Variants in MTUS1 observed in about 807,000 individuals in gnomAD.
The protein encoded by MTUS1 is microtubule associated scaffold protein 1, also known as microtubule-associated tumor suppressor 1.
MTUS1 carries 109 observed loss-of-function variants against 120.8 expected under a neutral mutation model. That is an observed-to-expected ratio of 0.90 (90% CI 0.77 to 1.06). The LOEUF (loss-of-function observed/expected upper bound fraction) is 1.06, where lower values mean the gene tolerates loss of function less well. Ranked by LOEUF, MTUS1 falls within the 50% of genes least tolerant of loss-of-function variation. The probability of loss-of-function intolerance (pLI) is 0.00; values close to 1 mark genes in which losing one functional copy is unlikely to be tolerated. For missense variants in MTUS1, 2,210 were observed against 1,486.3 expected (o/e 1.49, Z -8.01); for synonymous variants, 737 against 550.5 (o/e 1.34, Z -4.74).
chr8:17,652,938 T>C (rs917663730), intron 12 of MTUS1, among the ~76,000 whole-genome samples: 2 of 152,156 alleles, frequency 1.3e-5, no homozygotes, highest in African/African-American at 4.8e-5. Context: ...TCCTAATTGG[T>C]AGTTTCCTTC....
At chr8:17,701,331 C>T (rs1316302611) in intron 6 of MTUS1, among the ~76,000 whole-genome samples, 1 of 152,126 alleles carries the variant, frequency 6.6e-6, no homozygotes, top group African/African-American at 2.4e-5. Context: ...CTATCCTCTT[C>T]CTCAGTACGA....
chr8:17,781,956 T>A (rs1416367895), intron 1 of MTUS1, among the ~76,000 whole-genome samples: 1 of 152,190 alleles, frequency 6.6e-6, no homozygotes. Flanking sequence ...ACAGCAAGTC[T>A]CAGGTCCTAA....
intron 8 of MTUS1, among the ~76,000 whole-genome samples, chr8:17,674,125 A>C (rs1327428841): frequency 6.6e-6 from 1 of 152,162 alleles, no homozygotes; most frequent in Non-Finnish European, 1.5e-5. Context: ...GATCACTCCA[A>C]GATACGAGTT....
At chr8:17,668,973 C>G (rs934242909) in intron 8 of MTUS1, among the ~76,000 whole-genome samples, 1 of 152,176 alleles carries the variant, frequency 6.6e-6, no homozygotes, top group Non-Finnish European at 1.5e-5. Flanking sequence ...AAGAAAACTA[C>G]CTTTCCCTAG....
At chr8:17,742,523 G>C (rs2904738) in intron 3 of MTUS1, among the ~76,000 whole-genome samples, 5 of 151,732 alleles carry the variant, frequency 3.3e-5, no homozygotes, top group African/African-American at 7.3e-5. Context: ...TTTTCTCCCA[G>C]ATGATGAACA....
At chr8:17,686,516 T>TC (rs1467207775) in intron 6 of MTUS1, among the ~76,000 whole-genome samples, 1 of 152,226 alleles carries the variant, frequency 6.6e-6, no homozygotes, top group Non-Finnish European at 1.5e-5. Flanking sequence ...TTTGTATATG[T>TC]CCTACCGAAA....
At chr8:17,774,785 T>G (rs992343193) in intron 1 of MTUS1, among the ~76,000 whole-genome samples, 1 of 152,010 alleles carries the variant, frequency 6.6e-6, no homozygotes, top group Non-Finnish European at 1.5e-5. Flanking sequence ...TACATCCATG[T>G]TCACAGCAGC....
At chr8:17,801,251 T>A (rs115437317), upstream of MTUS1, 9,290 of 148,700 alleles carry the variant, frequency 0.062, 488 homozygotes, top group African/African-American at 0.15. Flanking sequence ...AGCCCCGGCC[T>A]CCCCGCCTCC....
intron 1 of MTUS1, among the ~76,000 whole-genome samples, chr8:17,799,812 C>A (rs2052535902): frequency 6.6e-6 from 1 of 152,102 alleles, no homozygotes; most frequent in African/African-American, 2.4e-5. Context: ...GTGCAAGTTA[C>A]ATAAATAACT....
intron 3 of MTUS1, among the ~76,000 whole-genome samples, chr8:17,740,522 C>G (rs186365627): frequency 1.7e-4 from 26 of 152,278 alleles, no homozygotes; most frequent in African/African-American, 5.3e-4. Flanking sequence ...CACATTGTTT[C>G]TGCTCCTTGA....
chr8:17,722,222 G>C (rs1290558620), intron 4 of MTUS1: 1 of 1,003,924 alleles, frequency 1.0e-6, no homozygotes, highest in Non-Finnish European at 1.2e-6. Context: ...ACACAGTACT[G>C]AAACGGTGGC....
chr8:17,722,628 G>A (rs1219307444), intron 4 of MTUS1: 2 of 933,276 alleles, frequency 2.1e-6, no homozygotes, highest in Non-Finnish European at 2.6e-6. Flanking sequence ...TCATTAATTC[G>A]GTCATTAATT....
chr8:17,746,795 T>G (rs2047786478), intron 2 of MTUS1, among the ~76,000 whole-genome samples: 1 of 152,204 alleles, frequency 6.6e-6, no homozygotes, highest in Non-Finnish European at 1.5e-5. Context: ...CACTTAACCC[T>G]CATAATAATC....
intron 4 of MTUS1, among the ~76,000 whole-genome samples, chr8:17,720,682 A>G (rs2045767635): frequency 6.6e-6 from 1 of 152,154 alleles, no homozygotes; most frequent in African/African-American, 2.4e-5. Context: ...AAATTGCACA[A>G]TAGTCCCCAA....
chr8:17,769,433 C>A (rs1242793296), intron 1 of MTUS1, among the ~76,000 whole-genome samples: 1 of 150,380 alleles, frequency 6.6e-6, no homozygotes, highest in Admixed American at 6.6e-5. Context: ...CTGCAAGCTC[C>A]GCCTCCCGGG....
Position 17,755,491 on chromosome 8 carries a change from G to A in MTUS1, c.317C>T (p.Pro106Leu), listed in dbSNP as rs781394149. The A allele has an allele frequency of 6.2e-7, 1 of 1,614,108 alleles. No homozygotes were observed. The highest frequency in any genetic ancestry group is 1.1e-5 in the South Asian group (1 of 91,090). ...GGGCTTCTCAGTACCTACAAGTGCA[G>A]GACACTGACAAATAGAATCTTTATG... is the stretch of plus-strand genomic sequence containing the variant. ...DMHKDSICQC[P>L]ALVGTEKPKY... Residue 106 changes from proline to leucine, a missense_variant, in exon 2 of 15, where the codon CCT becomes CTT. Coordinates refer to ENST00000693296, the MANE Select transcript of MTUS1 (RefSeq NM_001363059.2).
intron 1 of MTUS1, among the ~76,000 whole-genome samples, chr8:17,798,318 T>G (rs2052411367): frequency 6.6e-6 from 1 of 152,088 alleles, no homozygotes; most frequent in Non-Finnish European, 1.5e-5. Context: ...TTGAAAAGAT[T>G]CTAATTTAGA....
intron 8 of MTUS1, among the ~76,000 whole-genome samples, chr8:17,656,331 C>T (rs770226801): frequency 6.6e-5 from 10 of 151,956 alleles, no homozygotes; most frequent in South Asian, 2.1e-4. Context: ...AGTTCAAGAC[C>T]GGCCTGGTCA....
chr8:17,659,309 C>T (rs1809163538), intron 8 of MTUS1, among the ~76,000 whole-genome samples: 1 of 152,162 alleles, frequency 6.6e-6, no homozygotes, highest in African/African-American at 2.4e-5. Context: ...GACCTTGGGG[C>T]CCAGGGAGTG....
Sources: gnomAD v4.1 joint callset for allele counts (sites outside exome capture counted in the v4.1 genomes callset) on GRCh38, gnomAD v4.1.1 for gene constraint, MANE v1.5 for transcripts, NCBI Gene and HGNC (gene_info 2026-07-23, HGNC 2026-07-21) for gene names.